TOMM5: variants seen among roughly 807,000 people sequenced by gnomAD.
The protein encoded by TOMM5 is mitochondrial import receptor subunit TOM5 homolog.
Under a neutral mutation model 4.8 loss-of-function variants are expected in TOMM5, and 1 was observed. The observed-to-expected ratio is 0.21, with a 90% CI of 0.07 to 0.99. The LOEUF is 0.99. Ranked by LOEUF, TOMM5 falls within the 50% of genes least tolerant of loss-of-function variation. The pLI is 0.60. For missense variants in TOMM5, 60 were observed against 66.6 expected (o/e 0.90, Z 0.35); for synonymous variants, 26 against 26.7 (o/e 0.97, Z 0.08).
chr9:37,592,066 C>T (rs1259368666), intron 1 of TOMM5, among the ~76,000 whole-genome samples: 1 of 152,018 alleles, frequency 6.6e-6, no homozygotes. Flanking sequence ...TACAGGCGCC[C>T]GCCACCACGA....
rs1386294857 is a variant in TOMM5 at position 37,588,777 on chromosome 9, G to C, written c.*121C>G. 1 of 1,002,274 alleles carries C rather than the reference G, an allele frequency of 1.0e-6. No homozygotes were observed. Among genetic ancestry groups the C allele is most frequent in the Non-Finnish European group, 1.6e-6 (1 of 630,162 alleles). 62.1% of individuals were successfully genotyped at this position (1,002,274 alleles called of 1,614,324 possible). On this transcript the variant is annotated 3_prime_UTR_variant, in exon 2 of 2. Transcript: ENST00000321301. ...CCAGAGCCAAACTTGTTCTTAACAAGCAGAATTTTATGTCCATTCAAAGAG... is the reference window on the plus strand; with the variant it reads ...CCAGAGCCAAACTTGTTCTTAACAACCAGAATTTTATGTCCATTCAAAGAG...
At chr9:37,590,455 G>A (rs190281179) in intron 1 of TOMM5, among the ~76,000 whole-genome samples, 1 of 152,006 alleles carries the variant, frequency 6.6e-6, no homozygotes, top group East Asian at 1.9e-4. Flanking sequence ...AGAAAAAGTA[G>A]ATTAGTCGTT....
chr9:37,588,818 TG>T lies in TOMM5; in HGVS notation c.*79del, dbSNP rs766839863. ...ATTCAAAGAGTCTCTTACACCTTTC[TG>T]GGCCTATTCACTTGCAGAGAGGAGT... On this transcript the variant is annotated 3_prime_UTR_variant, in exon 2 of 2. Coordinates refer to ENST00000321301, the MANE Select transcript of TOMM5 (RefSeq NM_001001790.3). 1 of 1,386,844 alleles carries T rather than the reference TG, an allele frequency of 7.2e-7. No homozygotes were observed. The highest frequency in any genetic ancestry group is 2.3e-5 in the East Asian group (1 of 43,736). 85.9% of individuals were successfully genotyped at this position (1,386,844 alleles called of 1,614,324 possible). A position where few individuals can be genotyped will look rare whatever the true frequency, so the allele number is the denominator to read the frequency against.
chr9:37,588,793 A>G lies in TOMM5; in HGVS notation c.*105T>C. 8.6e-7 allele frequency: 1 copy of G among 1,159,690 alleles called. No individual in the cohort carries two copies. The highest frequency in any genetic ancestry group is 1.3e-6 in the Non-Finnish European group (1 of 768,780). The allele number at this position is 1,159,690 out of a possible 1,614,324, so 71.8% of individuals were successfully genotyped here. On this transcript the variant is annotated 3_prime_UTR_variant, in exon 2 of 2. Coordinates refer to ENST00000321301, the MANE Select transcript of TOMM5 (RefSeq NM_001001790.3). Reference sequence around the variant, plus strand: ...TCTTAACAAGCAGAATTTTATGTCCATTCAAAGAGTCTCTTACACCTTTCT... The same window carrying G: ...TCTTAACAAGCAGAATTTTATGTCCGTTCAAAGAGTCTCTTACACCTTTCT...
intron 1 of TOMM5, 193 bp downstream of exon 1, chr9:37,592,219 G>A: frequency 6.6e-7 from 1 of 1,523,164 alleles, no homozygotes; most frequent in South Asian, 1.2e-5. Flanking sequence ...CGGCCACCAC[G>A]TGCACTTCAG....
chr9:37,588,810 C>A lies in TOMM5; in HGVS notation c.*88G>T. 7.5e-7 allele frequency: 1 copy of A among 1,328,290 alleles called. No homozygotes were observed. The highest frequency in any genetic ancestry group is 1.1e-6 in the Non-Finnish European group (1 of 920,062). 82.3% of individuals were successfully genotyped at this position (1,328,290 alleles called of 1,614,324 possible). A position where few individuals can be genotyped will look rare whatever the true frequency, so the allele number is the denominator to read the frequency against. On this transcript the variant is annotated 3_prime_UTR_variant, in exon 2 of 2. Coordinates refer to ENST00000321301, the MANE Select transcript of TOMM5 (RefSeq NM_001001790.3). ...TTATGTCCATTCAAAGAGTCTCTTA[C>A]ACCTTTCTGGGCCTATTCACTTGCA...
intron 1 of TOMM5, among the ~76,000 whole-genome samples, chr9:37,590,725 A>G (rs1823086763): frequency 6.6e-6 from 1 of 152,230 alleles, no homozygotes; most frequent in African/African-American, 2.4e-5. Context: ...TCAATGAAAA[A>G]GGCAGGAGGC....
rs116756253 is a variant in TOMM5 at position 37,591,784 on chromosome 9, T to C, written c.121+628A>G. ...TTTTAGGTCAAGATCATTCACTGAA[T>C]CGCTGAGTGACCTTTGGCCAGCCTT... On this transcript the variant is annotated intron_variant, in intron 1 of 1. Transcript: ENST00000321301. 4.6e-3 allele frequency among the ~76,000 whole-genome samples: 694 copies of C among 152,112 alleles called. 5 individuals carry two copies. The highest frequency in any genetic ancestry group is 0.016 in the African/African-American group (652 of 41,522).
intron 1 of TOMM5, chr9:37,592,143 G>T: frequency 7.3e-7 from 1 of 1,370,314 alleles, no homozygotes; most frequent in Non-Finnish European, 9.8e-7. Context: ...ACAGGTGTGA[G>T]CCAACGCGCC....
chr9:37,589,216 G>A (rs571695311), intron 1 of TOMM5, among the ~76,000 whole-genome samples: 1 of 152,292 alleles, frequency 6.6e-6, no homozygotes, highest in South Asian at 2.1e-4. Flanking sequence ...TCTTTCAAAT[G>A]ACAAGGCTTT....
rs753795243 is a variant in TOMM5, at chr9:37,588,618, G to C, written c.*280C>G. On this transcript the variant is annotated 3_prime_UTR_variant, in exon 2 of 2. Transcript: ENST00000321301. ...GCTCCCTTAATACTTGCTAGAAAAC[G>C]GAGTTTGACATTATTTACAATTATA... 3.5e-6 allele frequency: 2 copies of C among 563,864 alleles called. No homozygotes were observed. Among genetic ancestry groups the C allele is most frequent in the Non-Finnish European group, 6.5e-6 (2 of 308,798 alleles). 34.9% of individuals were successfully genotyped at this position (563,864 alleles called of 1,614,324 possible). A position where few individuals can be genotyped will look rare whatever the true frequency, so the allele number is the denominator to read the frequency against.
chr9:37,590,450 A>G (rs931386803), intron 1 of TOMM5, among the ~76,000 whole-genome samples: 14 of 152,102 alleles, frequency 9.2e-5, no homozygotes, highest in Non-Finnish European at 2.9e-5. Context: ...CATAGAGAAA[A>G]AGTAGATTAG....
At chr9:37,590,412 G>GA (rs112318887) in intron 1 of TOMM5, among the ~76,000 whole-genome samples, 15 of 145,418 alleles carry the variant, frequency 1.0e-4, no homozygotes, top group South Asian at 8.7e-4. Context: ...TCAAAAAAAA[G>GA]AAAAAAAAAA....
chr9:37,592,568 T>C lies in TOMM5; in HGVS notation c.-36A>G. Reference sequence around the variant, plus strand: ...ACTTAGCAGCTTCCAGCCGCCGCGCTCTGCTCTCCACGGTGGCCGCCTCGC... The same window carrying C: ...ACTTAGCAGCTTCCAGCCGCCGCGCCCTGCTCTCCACGGTGGCCGCCTCGC... On this transcript the variant is annotated 5_prime_UTR_variant, in exon 1 of 2. Transcript: ENST00000321301. The C allele has an allele frequency of 1.2e-6, 2 of 1,601,074 alleles. No homozygotes were observed. The highest frequency in any genetic ancestry group is 1.7e-6 in the Non-Finnish European group (2 of 1,172,812).
intron 1 of TOMM5, among the ~76,000 whole-genome samples, chr9:37,591,562 C>T (rs1005464076): frequency 2.6e-5 from 4 of 151,832 alleles, no homozygotes; most frequent in Non-Finnish European, 4.4e-5. Flanking sequence ...CGTGGTGGCG[C>T]GCGCCTGTAA....
chr9:37,591,239 T>G (rs10758442), intron 1 of TOMM5, among the ~76,000 whole-genome samples: 58,455 of 151,976 alleles, frequency 0.38, 12,018 homozygotes, highest in African/African-American at 0.53. Flanking sequence ...CCTGTCAATT[T>G]TAAGATATAG....
At chr9:37,591,692 G>A (rs1393617544) in intron 1 of TOMM5, among the ~76,000 whole-genome samples, 17 of 96,368 alleles carry the variant, frequency 1.8e-4, no homozygotes, top group Admixed American at 3.1e-4. Flanking sequence ...ACTGTGTATC[G>A]AGGAAAAAAA....
Position 37,592,401 on chromosome 9 carries a change from G to GAGAC in TOMM5, c.121+7_121+10dup. On this transcript the variant is annotated intron_variant, in intron 1 of 1. Transcript: ENST00000321301. ...CGCTGGTCTCACAGTCACAGCCCGG[G>GAGAC]AGACACTCACTGACTCGCAGGAGGG... The GAGAC allele has an allele frequency of 1.2e-6, 2 of 1,614,040 alleles. No individual in the cohort carries two copies. The highest frequency in any genetic ancestry group is 1.7e-6 in the Non-Finnish European group (2 of 1,179,962).
Position 37,592,546 on chromosome 9 carries a change from T to C in TOMM5, c.-14A>G, listed in dbSNP as rs771227350. ...AATCCGGAACATCGCGGCTCTGACT[T>C]AGCAGCTTCCAGCCGCCGCGCTCTG... is the stretch of plus-strand genomic sequence containing the variant. On this transcript the variant is annotated 5_prime_UTR_variant, in exon 1 of 2. Coordinates refer to ENST00000321301, the MANE Select transcript of TOMM5 (RefSeq NM_001001790.3). 1.9e-6 allele frequency: 3 copies of C among 1,608,496 alleles called. No homozygotes were observed. The highest frequency in any genetic ancestry group is 1.7e-5 in the Admixed American group (1 of 59,922).
Sources: allele counts gnomAD v4.1 joint callset (sites outside exome capture counted in the v4.1 genomes callset), GRCh38; gene constraint gnomAD v4.1.1; transcripts MANE v1.5; gene names NCBI Gene and HGNC (gene_info 2026-07-23, HGNC 2026-07-21).